Variants in CALCR observed in about 807,000 individuals in gnomAD.
The protein encoded by CALCR is calcitonin receptor.
In CALCR, 47 loss-of-function variants were observed where a neutral mutation model predicts 59.5. The ratio of observed to expected loss-of-function variants is 0.79; its 90% CI spans 0.63 to 1.01. The LOEUF is 1.01. Among genes scored for constraint, CALCR ranks in the 50% least tolerant of loss-of-function variants. The pLI is 0.00. For missense variants in CALCR, 566 were observed against 597.1 expected (o/e 0.95, Z 0.54); for synonymous variants, 213 against 211.3 (o/e 1.01, Z -0.07).
chr7:93,506,958 A>T (rs955246849), intron 2 of CALCR, among the ~76,000 whole-genome samples: 1 of 152,164 alleles, frequency 6.6e-6, no homozygotes, highest in African/African-American at 2.4e-5. Flanking sequence ...TACCTTGCAC[A>T]TGCTCTCTTG....
chr7:93,460,604 T>TATATATATAG (rs1422210710), intron 8 of CALCR, among the ~76,000 whole-genome samples: 1 of 137,258 alleles, frequency 7.3e-6, no homozygotes, highest in African/African-American at 2.8e-5. Flanking sequence ...TATATATATA[T>TATATATATAG]ATATATATGG....
chr7:93,526,565 T>C (rs1009864707), intron 2 of CALCR, among the ~76,000 whole-genome samples: 3 of 152,232 alleles, frequency 2.0e-5, no homozygotes, highest in Non-Finnish European at 4.4e-5. Flanking sequence ...GGTTACTTAT[T>C]TAAGTGTGGT....
intron 2 of CALCR, among the ~76,000 whole-genome samples, chr7:93,488,747 C>T (rs1044984698): frequency 2.0e-5 from 3 of 151,642 alleles, no homozygotes; most frequent in African/African-American, 7.3e-5. Context: ...TATACAGGAG[C>T]ACCCAGATTC....
chr7:93,497,153 C>T (rs901087442), intron 2 of CALCR, among the ~76,000 whole-genome samples: 6 of 151,290 alleles, frequency 4.0e-5, no homozygotes, highest in African/African-American at 1.5e-4. Context: ...GTGTGACACA[C>T]AATGTAAGAG....
At chr7:93,477,076 T>G (rs1156704225) in intron 5 of CALCR, among the ~76,000 whole-genome samples, 1 of 151,910 alleles carries the variant, frequency 6.6e-6, no homozygotes, top group African/African-American at 2.4e-5. Context: ...AGACTCATTT[T>G]TCTTCTTTAA....
chr7:93,493,649 T>A (rs11974298), intron 2 of CALCR, among the ~76,000 whole-genome samples: 26,159 of 150,566 alleles, frequency 0.17, 5,490 homozygotes, highest in African/African-American at 0.5. Flanking sequence ...AACTTTAAGT[T>A]AGTGCAAAGA....
At chr7:93,502,869 T>C (rs575400407) in intron 2 of CALCR, among the ~76,000 whole-genome samples, 44 of 152,192 alleles carry the variant, frequency 2.9e-4, no homozygotes, top group African/African-American at 1.0e-3. Flanking sequence ...ATAATCTGAT[T>C]TTTGTAAATA....
At chr7:93,451,218 G>A (rs1800103295) in intron 8 of CALCR, among the ~76,000 whole-genome samples, 1 of 151,874 alleles carries the variant, frequency 6.6e-6, no homozygotes, top group Admixed American at 6.6e-5. Flanking sequence ...TACACTGCAT[G>A]CAAATCATCC....
intron 9 of CALCR, chr7:93,441,670 G>T (rs1275538345): frequency 5.0e-6 from 2 of 396,608 alleles, no homozygotes; most frequent in East Asian, 1.4e-4. Context: ...GTGATAGCCT[G>T]ATTTCTAACC....
At chr7:93,561,743 C>T (rs1789753225) in intron 2 of CALCR, among the ~76,000 whole-genome samples, 1 of 152,040 alleles carries the variant, frequency 6.6e-6, no homozygotes, top group African/African-American at 2.4e-5. Flanking sequence ...GAAACCCTGT[C>T]GTGGATCAGC....
chr7:93,495,973 T>C (rs1374463894), intron 2 of CALCR: 2 of 1,476,014 alleles, frequency 1.4e-6, no homozygotes, highest in Admixed American at 4.4e-5. Context: ...GAATCATTTA[T>C]TCTGTGAATA....
Position 93,502,118 on chromosome 7 carries a change from T to G in CALCR, c.-26-15111A>C, listed in dbSNP as rs139056785. The stretch of plus-strand genomic sequence containing the variant: ...AAAACATTAAAATGGACTCCTTTTT[T>G]GAAGAGGGGTTGGGAGTAGGGGATA... On this transcript the variant is annotated intron_variant, in intron 2 of 13. Coordinates refer to ENST00000426151, the MANE Select transcript of CALCR (RefSeq NM_001742.4). Among the ~76,000 whole-genome samples the G allele has an allele frequency of 9.6e-3, 1,459 of 152,152 alleles. 16 individuals carry two copies. Among genetic ancestry groups the G allele is most frequent in the African/African-American group, 0.033 (1,370 of 41,526 alleles).
At chr7:93,527,030 ATC>A (rs1788674213) in intron 2 of CALCR, among the ~76,000 whole-genome samples, 1 of 151,904 alleles carries the variant, frequency 6.6e-6, no homozygotes, top group Non-Finnish European at 1.5e-5. Flanking sequence ...TTCATACCTG[ATC>A]TCTTTCTCTC....
intron 8 of CALCR, among the ~76,000 whole-genome samples, chr7:93,446,125 A>G (rs1800002405): frequency 6.6e-6 from 1 of 152,014 alleles, no homozygotes; most frequent in South Asian, 2.1e-4. Context: ...GAAAAGACAA[A>G]TTTGCAAAGG....
chr7:93,520,638 C>G (rs912056409), intron 2 of CALCR, among the ~76,000 whole-genome samples: 2 of 152,058 alleles, frequency 1.3e-5, no homozygotes, highest in Admixed American at 6.6e-5. Context: ...AAGAGAAAAA[C>G]ATCAACTCTA....
In CALCR at chr7:93,573,310, C is replaced by T. The variant is rs146077179; in HGVS notation, c.-27+979G>A. Among the ~76,000 whole-genome samples the T allele has an allele frequency of 2.9e-4, 44 of 152,254 alleles. No homozygotes were observed. In the East Asian group the frequency reaches 8.1e-3, roughly 28 times the overall value. ...CATTTAAGACAGACTTAAACTCGGA[C>T]GCTCTGTAATTTAAAGATTAGCTTT... is the stretch of plus-strand genomic sequence containing the variant. On this transcript the variant is annotated intron_variant, in intron 2 of 13. Coordinates refer to ENST00000426151, the MANE Select transcript of CALCR (RefSeq NM_001742.4).
chr7:93,465,614 C>G (rs934711454), intron 7 of CALCR, among the ~76,000 whole-genome samples: 2 of 151,806 alleles, frequency 1.3e-5, no homozygotes, highest in African/African-American at 4.8e-5. Flanking sequence ...TGAATTAAAC[C>G]TGAAAAATCT....
At chr7:93,529,336 T>C (rs1261391647) in intron 2 of CALCR, among the ~76,000 whole-genome samples, 1 of 152,108 alleles carries the variant, frequency 6.6e-6, no homozygotes, top group African/African-American at 2.4e-5. Flanking sequence ...TGCACCCCCT[T>C]TGCCTTCTGC....
intron 2 of CALCR, among the ~76,000 whole-genome samples, chr7:93,546,613 G>T (rs59215277): frequency 1.3e-5 from 2 of 150,852 alleles, no homozygotes; most frequent in Admixed American, 6.6e-5. Flanking sequence ...GTGCAGTGGT[G>T]GGATCACAGC....
Sources: allele counts gnomAD v4.1 joint callset (sites outside exome capture counted in the v4.1 genomes callset), GRCh38; gene constraint gnomAD v4.1.1; transcripts MANE v1.5; gene names NCBI Gene and HGNC (gene_info 2026-07-23, HGNC 2026-07-21).